KSR2: variants seen among roughly 807,000 people sequenced by gnomAD.
KSR2 encodes the protein kinase suppressor of ras 2.
In KSR2, 25 loss-of-function variants were observed where a neutral mutation model predicts 107.8. The observed-to-expected ratio is 0.23, with a 90% CI of 0.17 to 0.32. KSR2 has a LOEUF of 0.32. KSR2 is among the 10% of genes least tolerant of loss of function. KSR2 has a pLI of 1.00. For synonymous variants in KSR2, 480 were observed against 507.0 expected (o/e 0.95, Z 0.71); for missense variants, 887 against 1,268.9 (o/e 0.70, Z 4.57).
At chr12:117,862,847 A>ACC (rs770370226) in intron 1 of KSR2, among the ~76,000 whole-genome samples, 2 of 146,638 alleles carry the variant, frequency 1.4e-5, no homozygotes, top group Non-Finnish European at 3.0e-5. Context: ...CTCCTGCCTC[A>ACC]CCCTCCCGAG....
chr12:117,667,986 A>G (rs1344384087), intron 4 of KSR2, among the ~76,000 whole-genome samples: 4 of 152,110 alleles, frequency 2.6e-5, no homozygotes, highest in Non-Finnish European at 5.9e-5. Context: ...TTGCCTAAAC[A>G]TCTCGAGTCT....
chr12:117,492,840 G>A (rs1016756666), intron 14 of KSR2, among the ~76,000 whole-genome samples: 12 of 152,072 alleles, frequency 7.9e-5, no homozygotes, highest in African/African-American at 2.9e-4. Flanking sequence ...ACCCACCATC[G>A]CTGACTTTGA....
chr12:117,576,336 T>A (rs1343356349), intron 7 of KSR2, among the ~76,000 whole-genome samples: 5 of 152,096 alleles, frequency 3.3e-5, no homozygotes. Context: ...TGCTGGTGTA[T>A]GGAGAAAATC....
At chr12:117,748,066 G>C (rs550721856) in intron 4 of KSR2, among the ~76,000 whole-genome samples, 2 of 149,832 alleles carry the variant, frequency 1.3e-5, no homozygotes, top group South Asian at 4.2e-4. Flanking sequence ...GTCCATCAGC[G>C]GATGAATGGA....
intron 5 of KSR2, among the ~76,000 whole-genome samples, chr12:117,587,617 G>A (rs2136258241): frequency 6.6e-6 from 1 of 152,270 alleles, no homozygotes; most frequent in Non-Finnish European, 1.5e-5. Context: ...GCAGCCATGG[G>A]AAACTGACAC....
At chr12:117,899,222 G>C (rs920017648) in intron 1 of KSR2, among the ~76,000 whole-genome samples, 1 of 152,156 alleles carries the variant, frequency 6.6e-6, no homozygotes, top group African/African-American at 2.4e-5. Context: ...GGTTGGGCAC[G>C]GTGGCTCATG....
chr12:117,912,895 A>C (rs931967384), intron 1 of KSR2, among the ~76,000 whole-genome samples: 22 of 152,316 alleles, frequency 1.4e-4, no homozygotes, highest in Non-Finnish European at 2.8e-4. Flanking sequence ...CAACTAGGGA[A>C]GCTTACCTAG....
At chr12:117,816,024 T>TGA in intron 3 of KSR2, among the ~76,000 whole-genome samples, 1 of 142,244 alleles carries the variant, frequency 7.0e-6, no homozygotes, top group East Asian at 2.0e-4. Context: ...TGTGTGTGTG[T>TGA]GTGTGTGTGT....
chr12:117,833,714 G>A (rs1892074153), intron 3 of KSR2, among the ~76,000 whole-genome samples: 1 of 151,962 alleles, frequency 6.6e-6, no homozygotes, highest in African/African-American at 2.4e-5. Flanking sequence ...GTGGCATCAT[G>A]AATATTCAGA....
intron 14 of KSR2, among the ~76,000 whole-genome samples, chr12:117,490,817 G>A (rs940330069): frequency 6.6e-6 from 1 of 152,242 alleles, no homozygotes; most frequent in South Asian, 2.1e-4. Flanking sequence ...TGAATTTAAC[G>A]TGTAAAAATT....
chr12:117,844,744 C>A lies in KSR2; in HGVS notation c.472+10684G>T, dbSNP rs138557267. ...CACCTGCTAATCCCAGTATCTACCC[C>A]CTAAGCCTTTCCTAATAAAAATACT... On this transcript the variant is annotated intron_variant, in intron 3 of 19. Transcript: ENST00000339824. Among the ~76,000 whole-genome samples the A allele has an allele frequency of 2.8e-3, 419 of 152,330 alleles. 1 individual carries two copies. The highest frequency in any genetic ancestry group is 5.0e-3 in the Non-Finnish European group (343 of 68,036).
rs1870477557 is a variant in KSR2, at chr12:117,454,119, G to A, written c.*13080C>T. On this transcript the variant is annotated 3_prime_UTR_variant, in exon 20 of 20. Coordinates refer to ENST00000339824, the MANE Select transcript of KSR2 (RefSeq NM_173598.6). Reference sequence around the variant, plus strand: ...GGGATTCTGGGGGAGGTTCATTTGGGTGATTGAGAAGAAAAGCCACATTGA... The same window carrying A: ...GGGATTCTGGGGGAGGTTCATTTGGATGATTGAGAAGAAAAGCCACATTGA... 1 of 152,180 alleles carries A rather than the reference G, an allele frequency of 6.6e-6. No homozygotes were observed. The highest frequency in any genetic ancestry group is 2.4e-5 in the African/African-American group (1 of 41,428). The allele number at this position is 152,180 out of a possible 1,614,324, so 9.4% of individuals were successfully genotyped here.
chr12:117,887,526 A>T (rs1235799181), intron 1 of KSR2, among the ~76,000 whole-genome samples: 1 of 152,230 alleles, frequency 6.6e-6, no homozygotes, highest in East Asian at 1.9e-4. Flanking sequence ...CACGTGGAGC[A>T]GAACAGGCCC....
At chr12:117,693,767 C>T (rs675897) in intron 4 of KSR2, among the ~76,000 whole-genome samples, 108,923 of 151,960 alleles carry the variant, frequency 0.72, 40,931 homozygotes, top group Middle Eastern at 0.86. Flanking sequence ...CCCCAGGAAG[C>T]GGGTCCTACC....
In KSR2 at chr12:117,841,463, G is replaced by A. The variant is rs76967780; in HGVS notation, c.472+13965C>T. Among the ~76,000 whole-genome samples, 905 of 152,222 alleles carry A rather than the reference G, an allele frequency of 5.9e-3. 35 individuals are homozygous for A. The East Asian group carries it at 0.1, about 17-fold the overall frequency. On this transcript the variant is annotated intron_variant, in intron 3 of 19. Coordinates refer to ENST00000339824, the MANE Select transcript of KSR2 (RefSeq NM_173598.6). The stretch of plus-strand genomic sequence containing the variant: ...ATCTGCCCACCACTCATATGGTTGC[G>A]AGGCTAAAACAAGATCACCTGCATG...
intron 5 of KSR2, among the ~76,000 whole-genome samples, chr12:117,631,015 T>C (rs905573351): frequency 1.3e-5 from 2 of 152,102 alleles, no homozygotes; most frequent in African/African-American, 4.8e-5. Context: ...AATAAGATTC[T>C]CAGTAAATAT....
intron 1 of KSR2, chr12:117,889,569 T>C (rs1324196971): frequency 6.6e-6 from 1 of 152,130 alleles, no homozygotes; most frequent in Non-Finnish European, 1.5e-5. Flanking sequence ...CGTGGGGCCA[T>C]AGTGTCAGCA....
chr12:117,492,953 G>C (rs1010545513), intron 14 of KSR2, among the ~76,000 whole-genome samples: 1 of 152,110 alleles, frequency 6.6e-6, no homozygotes, highest in African/African-American at 2.4e-5. Flanking sequence ...AAGGAGCACA[G>C]CCCTGCCAAC....
intron 3 of KSR2, among the ~76,000 whole-genome samples, chr12:117,803,663 A>G (rs1207796105): frequency 6.6e-6 from 1 of 152,200 alleles, no homozygotes; most frequent in East Asian, 1.9e-4. Context: ...AGATCGCACC[A>G]CTGCATTCCA....
Sources: gnomAD v4.1 joint callset for allele counts (sites outside exome capture counted in the v4.1 genomes callset) on GRCh38, gnomAD v4.1.1 for gene constraint, MANE v1.5 for transcripts, NCBI Gene and HGNC (gene_info 2026-07-23, HGNC 2026-07-21) for gene names.